Variants in GABRB2 observed in about 807,000 individuals in gnomAD.
The protein encoded by GABRB2 is gamma-aminobutyric acid type A receptor subunit beta2.
Under a neutral mutation model 54.7 loss-of-function variants are expected in GABRB2, and 16 were observed. The ratio of observed to expected loss-of-function variants is 0.29; its 90% CI spans 0.20 to 0.44. GABRB2 has a LOEUF of 0.44. Ranked by LOEUF, GABRB2 falls within the 20% of genes least tolerant of loss-of-function variation. GABRB2 has a pLI of 1.00. For synonymous variants in GABRB2, 244 were observed against 233.8 expected, an observed-to-expected ratio of 1.04 and a Z score of -0.40; for missense variants, 355 against 644.0, an observed-to-expected ratio of 0.55 and a Z score of 4.86.
chr5:161,359,472 T>C (rs1349808552), intron 5 of GABRB2, among the ~76,000 whole-genome samples: 1 of 137,948 alleles, frequency 7.2e-6, no homozygotes. Flanking sequence ...CACACAGAGA[T>C]TGCTCATGAA....
chr5:161,400,859 T>A (rs570754573), intron 5 of GABRB2, among the ~76,000 whole-genome samples: 1 of 152,160 alleles, frequency 6.6e-6, no homozygotes, highest in Non-Finnish European at 1.5e-5. Flanking sequence ...GTCAGCTTGT[T>A]ACACGTGAGG....
chr5:161,372,969 C>G (rs1755174847), intron 5 of GABRB2, among the ~76,000 whole-genome samples: 1 of 152,128 alleles, frequency 6.6e-6, no homozygotes, highest in South Asian at 2.1e-4. Context: ...AGGAAGAAAG[C>G]ACTAACATAG....
At chr5:161,295,944 G>A (rs1004563834) in intron 9 of GABRB2, among the ~76,000 whole-genome samples, 4 of 152,164 alleles carry the variant, frequency 2.6e-5, no homozygotes, top group Non-Finnish European at 5.9e-5. Flanking sequence ...AGGGCCAGGT[G>A]GTGGCTTTAA....
intron 3 of GABRB2, among the ~76,000 whole-genome samples, chr5:161,475,716 C>G (rs1758572086): frequency 6.6e-6 from 1 of 151,806 alleles, no homozygotes; most frequent in African/African-American, 2.4e-5. Context: ...ATCATATGAC[C>G]ATTTCAACTG....
At chr5:161,547,546 CGCT>C (rs1761025939), upstream of GABRB2, among the ~76,000 whole-genome samples, 1 of 150,648 alleles carries the variant, frequency 6.6e-6, no homozygotes, top group East Asian at 2.0e-4. Context: ...GTTCCTGACC[CGCT>C]AGTCCGGGTT....
intron 6 of GABRB2, 43 bp downstream of exon 6, chr5:161,336,589 C>A: frequency 6.3e-7 from 1 of 1,598,326 alleles, no homozygotes. Context: ...TAACAAAATA[C>A]GGTGAAGATT....
At chr5:161,387,780 C>A (rs571298349) in intron 5 of GABRB2, among the ~76,000 whole-genome samples, 2 of 152,264 alleles carry the variant, frequency 1.3e-5, no homozygotes, top group African/African-American at 4.8e-5. Flanking sequence ...TATTTAAAAA[C>A]TTAGCTTAAA....
At chr5:161,301,422 C>CTT (rs908503242) in intron 9 of GABRB2, among the ~76,000 whole-genome samples, 1 of 146,536 alleles carries the variant, frequency 6.8e-6, no homozygotes, top group African/African-American at 2.5e-5. Context: ...TTCTTTCTTT[C>CTT]TTTTTTTTTT....
intron 8 of GABRB2, among the ~76,000 whole-genome samples, chr5:161,327,511 A>C (rs932468435): frequency 6.6e-6 from 1 of 152,178 alleles, no homozygotes; most frequent in South Asian, 2.1e-4. Context: ...CTTTAGGCAC[A>C]TAGGCTTTTA....
At chr5:161,485,041 TC>T (rs1758876031) in intron 3 of GABRB2, among the ~76,000 whole-genome samples, 1 of 151,930 alleles carries the variant, frequency 6.6e-6, no homozygotes, top group South Asian at 2.1e-4. Context: ...ATAAGCTGTT[TC>T]TTCTGTCTGT....
chr5:161,387,083 T>TATCATG (rs1484257893), intron 5 of GABRB2, among the ~76,000 whole-genome samples: 2 of 152,074 alleles, frequency 1.3e-5, no homozygotes, highest in Non-Finnish European at 2.9e-5. Context: ...TATATTTATA[T>TATCATG]ATCATGATCA....
intron 3 of GABRB2, among the ~76,000 whole-genome samples, chr5:161,472,973 A>C (rs2113302351): frequency 6.6e-6 from 1 of 152,114 alleles, no homozygotes. Flanking sequence ...TATAAGCATA[A>C]AGTTATTAAA....
At chr5:161,543,651 GA>G (rs1194996933) in intron 3 of GABRB2, among the ~76,000 whole-genome samples, 4 of 152,112 alleles carry the variant, frequency 2.6e-5, no homozygotes, top group Admixed American at 2.6e-4. Context: ...GCATAATTTA[GA>G]TTCACATTCC....
chr5:161,348,104 T>C (rs1173951321), intron 5 of GABRB2, among the ~76,000 whole-genome samples: 2 of 152,116 alleles, frequency 1.3e-5, no homozygotes, highest in Non-Finnish European at 2.9e-5. Flanking sequence ...AAAAAATTGT[T>C]ATTCTAAAAC....
chr5:161,493,242 C>G (rs1262398971), intron 3 of GABRB2, among the ~76,000 whole-genome samples: 1 of 151,668 alleles, frequency 6.6e-6, no homozygotes, highest in Non-Finnish European at 1.5e-5. Flanking sequence ...AGCTGAGGAA[C>G]ATTTCACAAT....
chr5:161,458,407 C>T (rs1358551727), intron 4 of GABRB2, among the ~76,000 whole-genome samples: 1 of 152,200 alleles, frequency 6.6e-6, no homozygotes, highest in African/African-American at 2.4e-5. Context: ...TACAAATGTG[C>T]TCTCATTCTG....
intron 3 of GABRB2, among the ~76,000 whole-genome samples, chr5:161,469,542 A>G (rs1449120597): frequency 6.6e-6 from 1 of 151,970 alleles, no homozygotes; most frequent in African/African-American, 2.4e-5. Context: ...ACAAAAAGAA[A>G]ACAACAACAA....
At chr5:161,474,514 C>T (rs745672047) in intron 3 of GABRB2, among the ~76,000 whole-genome samples, 3 of 151,882 alleles carry the variant, frequency 2.0e-5, no homozygotes, top group Non-Finnish European at 4.4e-5. Flanking sequence ...AGAATCATTG[C>T]TATTTTCAGA....
intron 5 of GABRB2, among the ~76,000 whole-genome samples, chr5:161,348,064 C>G (rs555895706): frequency 6.6e-6 from 1 of 152,174 alleles, no homozygotes; most frequent in East Asian, 1.9e-4. Context: ...AAATCATATA[C>G]TCTTTATAGA....
Sources: allele counts gnomAD v4.1 joint callset (sites outside exome capture counted in the v4.1 genomes callset), GRCh38; gene constraint gnomAD v4.1.1; transcripts MANE v1.5; gene names NCBI Gene and HGNC (gene_info 2026-07-23, HGNC 2026-07-21).